Variants in SLC4A4 observed in about 807,000 individuals in gnomAD.
SLC4A4 encodes the protein solute carrier family 4 member 4, also known as electrogenic sodium bicarbonate cotransporter 1.
A neutral mutation model predicts 111.5 loss-of-function variants in SLC4A4; 27 were observed. The ratio of observed to expected loss-of-function variants is 0.24; its 90% confidence interval spans 0.18 to 0.33. The LOEUF (loss-of-function observed/expected upper bound fraction) is 0.33, where lower values mean the gene tolerates loss of function less well. Among genes scored for constraint, SLC4A4 ranks in the 10% least tolerant of loss-of-function variants. SLC4A4 has a pLI of 1.00. For synonymous variants in SLC4A4, 443 were observed against 463.4 expected (o/e 0.96, Z 0.57); for missense variants, 909 against 1,315.5 (o/e 0.69, Z 4.78).
chr4:71,467,192 G>A (rs1167273806), intron 13 of SLC4A4, among the ~76,000 whole-genome samples: 1 of 151,940 alleles, frequency 6.6e-6, no homozygotes, highest in African/African-American at 2.4e-5. Flanking sequence ...TGAGTGCCTT[G>A]CCATTTGTTA....
chr4:71,417,578 G>T lies in SLC4A4; in HGVS notation c.807+19925G>T, dbSNP rs568362290. 1.2e-3 allele frequency among the ~76,000 whole-genome samples: 190 copies of T among 152,298 alleles called. 1 individual carries two copies. The highest frequency in any genetic ancestry group is 4.3e-3 in the African/African-American group (178 of 41,564). On this transcript the variant is annotated intron_variant, in intron 7 of 25. Coordinates refer to ENST00000264485, the MANE Select transcript of SLC4A4 (RefSeq NM_001098484.3). Reference sequence around the variant, plus strand: ...ACTTAGCTAGCACCTAGAACCTGCAGTTCTTGTTTTTCTTTAAATCTTTTT... The same window carrying T: ...ACTTAGCTAGCACCTAGAACCTGCATTTCTTGTTTTTCTTTAAATCTTTTT...
rs531318296 is a variant in SLC4A4, at chr4:71,321,172, A to G, written c.254-18198A>G. On this transcript the variant is annotated intron_variant, in intron 3 of 25. Transcript: ENST00000264485. ...ATACCCACTCTAATCTAGGTTTTCT[A>G]TCAGCTTTGTGTAGTTAAGTGATAT... 9.9e-5 allele frequency among the ~76,000 whole-genome samples: 15 copies of G among 152,144 alleles called. No individual in the cohort carries two copies. The South Asian group carries it at 1.2e-3, about 13-fold the overall frequency.
chr4:71,263,583 TC>T (rs1327331042), intron 3 of SLC4A4, among the ~76,000 whole-genome samples: 1 of 152,192 alleles, frequency 6.6e-6, no homozygotes, highest in Non-Finnish European at 1.5e-5. Context: ...GAAAATGCTG[TC>T]CCTTTAACCT....
intron 2 of SLC4A4, among the ~76,000 whole-genome samples, chr4:71,151,323 G>T (rs1744306976): frequency 6.6e-6 from 1 of 152,084 alleles, no homozygotes; most frequent in South Asian, 2.1e-4. Context: ...TATATCAACG[G>T]TAGGTTTTGC....
chr4:71,365,874 T>C (rs1034917862), intron 6 of SLC4A4, among the ~76,000 whole-genome samples: 1 of 152,160 alleles, frequency 6.6e-6, no homozygotes, highest in East Asian at 1.9e-4. Flanking sequence ...TGTCTAAGCA[T>C]AGTAAATGGA....
rs1453479 is a variant in SLC4A4 at position 71,547,393 on chromosome 4, A to G, written c.2622-255A>G. Among the ~76,000 whole-genome samples, 109,107 of 151,806 alleles carry G rather than the reference A, an allele frequency of 0.72. 39,450 individuals are homozygous for G. Among genetic ancestry groups the G allele is most frequent in the Admixed American group, 0.76 (11,610 of 15,228 alleles). ...GTGATTTTTCTTTCTTGATTCCAAA[A>G]GGAGCAAAAAATTTAGCAGGATTAC... On this transcript the variant is annotated intron_variant, in intron 19 of 25. Coordinates refer to ENST00000264485, the MANE Select transcript of SLC4A4 (RefSeq NM_001098484.3).
chr4:71,551,735 T>G (rs2149242759), intron 20 of SLC4A4, among the ~76,000 whole-genome samples: 1 of 152,026 alleles, frequency 6.6e-6, no homozygotes, highest in East Asian at 2.0e-4. Context: ...TTCTCCAGCT[T>G]CTTTGATCCA....
intron 1 of SLC4A4, among the ~76,000 whole-genome samples, chr4:71,063,314 G>T (rs1222021004): frequency 1.3e-5 from 2 of 152,014 alleles, no homozygotes; most frequent in Admixed American, 6.6e-5. Context: ...CTGTTGTCGG[G>T]TACAGTAATT....
intron 3 of SLC4A4, among the ~76,000 whole-genome samples, chr4:71,267,791 C>CAAAAAAAAAAAAAAAGAAAAAAAAAAAAA (rs1722381182): frequency 3.2e-5 from 2 of 62,360 alleles, no homozygotes; most frequent in African/African-American, 8.7e-5. Flanking sequence ...GAGAGTCTGC[C>CAAAAAAAAAAAAAAAGAAAAAAAAAAAAA]AAAAAAAAAA....
At chr4:71,276,220 C>A (rs188708162) in intron 3 of SLC4A4, among the ~76,000 whole-genome samples, 1 of 152,172 alleles carries the variant, frequency 6.6e-6, no homozygotes, top group East Asian at 1.9e-4. Flanking sequence ...TCTCATGTAT[C>A]CTTCAGTCCA....
rs1578526850 is a variant in SLC4A4, at chr4:71,150,456, C to CAG, written c.-2+57672_-2+57673dup. 3.9e-5 allele frequency among the ~76,000 whole-genome samples: 6 copies of CAG among 152,154 alleles called. No homozygotes were observed. In the South Asian group the frequency reaches 1.0e-3, roughly 26 times the overall value. On this transcript the variant is annotated intron_variant, in intron 2 of 26. Transcript: ENST00000649996. ...GTAAATATCCTGATTCCCTCATGTGCAGAGAGAGAACTAAGCCAGTAAATA... is the reference window on the plus strand; with the variant it reads ...GTAAATATCCTGATTCCCTCATGTGCAGAGAGAGAGAACTAAGCCAGTAAATA...
intron 15 of SLC4A4, among the ~76,000 whole-genome samples, chr4:71,493,084 C>T (rs1362971199): frequency 6.6e-6 from 1 of 151,854 alleles, no homozygotes; most frequent in Non-Finnish European, 1.5e-5. Context: ...CCTGTGGCCA[C>T]ATTTTTCTAT....
At chr4:71,368,836 C>T (rs1447913170) in intron 6 of SLC4A4, among the ~76,000 whole-genome samples, 1 of 152,112 alleles carries the variant, frequency 6.6e-6, no homozygotes, top group Non-Finnish European at 1.5e-5. Context: ...TAGACTTTTT[C>T]ATTCTTTGTG....
chr4:71,184,045 T>A (rs968997729), upstream of SLC4A4, among the ~76,000 whole-genome samples: 1 of 152,202 alleles, frequency 6.6e-6, no homozygotes, highest in Non-Finnish European at 1.5e-5. Context: ...TTCTGCTCTT[T>A]GTTGAACACA....
intron 4 of SLC4A4, among the ~76,000 whole-genome samples, chr4:71,347,796 A>C (rs1239206678): frequency 6.6e-6 from 1 of 152,098 alleles, no homozygotes; most frequent in Non-Finnish European, 1.5e-5. Context: ...GGCCTTGTAA[A>C]ACACTCCCCT....
At chr4:71,095,685 T>A (rs1314520151) in intron 2 of SLC4A4, among the ~76,000 whole-genome samples, 1 of 152,142 alleles carries the variant, frequency 6.6e-6, no homozygotes, top group East Asian at 1.9e-4. Flanking sequence ...TATATAATAG[T>A]GAACAAGAAG....
chr4:71,310,451 A>AC (rs976900189), intron 3 of SLC4A4, among the ~76,000 whole-genome samples: 1 of 152,222 alleles, frequency 6.6e-6, no homozygotes, highest in Non-Finnish European at 1.5e-5. Context: ...AGGTCTGGTT[A>AC]CCTACAAAAG....
intron 1 of SLC4A4, among the ~76,000 whole-genome samples, chr4:71,087,992 G>A (rs1337046319): frequency 3.3e-5 from 5 of 151,920 alleles, no homozygotes; most frequent in Admixed American, 3.3e-4. Flanking sequence ...TCTGTCTAAT[G>A]TTGACAGTGG....
chr4:71,365,614 A>G (rs1390822384), intron 6 of SLC4A4, among the ~76,000 whole-genome samples: 3 of 152,332 alleles, frequency 2.0e-5, no homozygotes, highest in Non-Finnish European at 1.5e-5. Flanking sequence ...ATAGAAATAC[A>G]AAGGACAAAA....
Sources: allele counts gnomAD v4.1 joint callset (sites outside exome capture counted in the v4.1 genomes callset), GRCh38; gene constraint gnomAD v4.1.1; transcripts MANE v1.5; gene names NCBI Gene and HGNC (gene_info 2026-07-23, HGNC 2026-07-21).